AOPEP: variants seen among roughly 807,000 people sequenced by gnomAD.
The protein encoded by AOPEP is aminopeptidase O.
AOPEP carries 77 observed loss-of-function variants against 98.1 expected under a neutral mutation model. The observed-to-expected ratio is 0.78, with a 90% confidence interval of 0.65 to 0.95. The LOEUF is 0.95. Among genes scored for constraint, AOPEP ranks in the 40% least tolerant of loss-of-function variants. The pLI is 0.00. For missense variants in AOPEP, 1,024 were observed against 1,024.7 expected, an observed-to-expected ratio of 1.00 and a Z score of 0.01; for synonymous variants, 346 against 365.3, an observed-to-expected ratio of 0.95 and a Z score of 0.60.
chr9:94,861,686 A>G (rs1160017286), intron 5 of AOPEP, among the ~76,000 whole-genome samples: 3 of 152,172 alleles, frequency 2.0e-5, no homozygotes, highest in African/African-American at 7.2e-5. Flanking sequence ...ACTAGATCCC[A>G]GAGATGTTAT....
Position 94,980,879 on chromosome 9 carries a change from C to T in AOPEP, c.1977+1452C>T, listed in dbSNP as rs557992278. On this transcript the variant is annotated intron_variant, in intron 11 of 16. Transcript: ENST00000375315. The surrounding 1 kb of genome is among the most constrained non-coding windows in gnomAD (Gnocchi z 4.3). ...GGTTTGTCTAGGTGTGAATAACCAA[C>T]CCTTTTCCTTCATGTTTCAGATGGG... Among the ~76,000 whole-genome samples the T allele has an allele frequency of 1.0e-3, 154 of 152,126 alleles. No homozygotes were observed. Among genetic ancestry groups the T allele is most frequent in the Non-Finnish European group, 1.9e-3 (131 of 68,032 alleles).
At chr9:94,822,009 A>G (rs72746564) in intron 5 of AOPEP, among the ~76,000 whole-genome samples, 3,683 of 149,774 alleles carry the variant, frequency 0.025, 52 homozygotes, top group Middle Eastern at 0.041. Flanking sequence ...ACACACACAC[A>G]CACGCAGGCA....
intron 13 of AOPEP, among the ~76,000 whole-genome samples, chr9:95,032,338 G>A (rs923571702): frequency 5.3e-5 from 8 of 152,204 alleles, no homozygotes; most frequent in Admixed American, 3.3e-4. Flanking sequence ...GGCAGACCTC[G>A]CATGGCCCAT....
chr9:94,953,471 A>G (rs1324036751), intron 7 of AOPEP, among the ~76,000 whole-genome samples: 1 of 152,202 alleles, frequency 6.6e-6, no homozygotes, highest in Non-Finnish European at 1.5e-5. Context: ...GTTTGCTAAA[A>G]TGGAATATTT....
intron 5 of AOPEP, among the ~76,000 whole-genome samples, chr9:94,884,131 G>A (rs900682198): frequency 2.6e-5 from 4 of 152,198 alleles, no homozygotes; most frequent in South Asian, 2.1e-4. Context: ...GCACAAAGAA[G>A]CCCCAATCCG....
At chr9:95,104,285 G>A in the AOPEP span, among the ~76,000 whole-genome samples, 1 of 152,236 alleles carries the variant, frequency 6.6e-6, no homozygotes, top group South Asian at 2.1e-4. Context: ...GCCCCCAGGA[G>A]GTGCTTTCAC....
chr9:94,777,348 C>G (rs986237825), intron 3 of AOPEP, among the ~76,000 whole-genome samples: 1 of 151,222 alleles, frequency 6.6e-6, no homozygotes, highest in East Asian at 2.0e-4. Context: ...AGGAGAATGG[C>G]GTGAACCCGG....
chr9:95,069,823 G>A (rs1302955577), intron 14 of AOPEP, among the ~76,000 whole-genome samples: 1 of 152,234 alleles, frequency 6.6e-6, no homozygotes, highest in East Asian at 1.9e-4. Flanking sequence ...GCTCTAACCA[G>A]TTAAGGTGTA....
intron 5 of AOPEP, among the ~76,000 whole-genome samples, chr9:94,897,849 T>TC (rs1199839430): frequency 3.3e-5 from 5 of 151,458 alleles, no homozygotes; most frequent in Non-Finnish European, 7.4e-5. Flanking sequence ...GCCTTTTTTT[T>TC]TTTTTTTGGA....
chr9:94,946,093 A>G (rs1444531577), intron 7 of AOPEP, among the ~76,000 whole-genome samples: 1 of 152,180 alleles, frequency 6.6e-6, no homozygotes, highest in African/African-American at 2.4e-5. Context: ...CCTGGATCCT[A>G]TACTCAAAAA....
At chr9:94,781,876 A>G (rs1458630807) in intron 3 of AOPEP, among the ~76,000 whole-genome samples, 3 of 150,220 alleles carry the variant, frequency 2.0e-5, no homozygotes, top group Admixed American at 2.0e-4. Flanking sequence ...AATTTAGTAT[A>G]TCCCTGCTTC....
At chr9:94,789,917 A>T (rs1845287175) in intron 3 of AOPEP, among the ~76,000 whole-genome samples, 1 of 150,922 alleles carries the variant, frequency 6.6e-6, no homozygotes, top group African/African-American at 2.4e-5. Context: ...TCTGTGGCCC[A>T]GGCGGGAGTG....
intron 5 of AOPEP, among the ~76,000 whole-genome samples, chr9:94,855,439 A>G (rs562077590): frequency 6.6e-5 from 10 of 152,182 alleles, no homozygotes; most frequent in Admixed American, 6.5e-4. Flanking sequence ...CTGTAATCCC[A>G]GCAGTTTGGG....
At chr9:95,129,875 TCTG>T in the AOPEP span, among the ~76,000 whole-genome samples, 2 of 152,138 alleles carry the variant, frequency 1.3e-5, no homozygotes, top group Admixed American at 6.5e-5. Context: ...ACCCGATTGT[TCTG>T]CTGGGTGTGC....
intron 5 of AOPEP, among the ~76,000 whole-genome samples, chr9:94,916,470 C>T (rs914399625): frequency 1.3e-5 from 2 of 151,908 alleles, no homozygotes; most frequent in Non-Finnish European, 2.9e-5. Context: ...TTTGGGAGGC[C>T]GAGGCGGGCA....
chr9:94,804,145 A>G (rs1022290874), intron 5 of AOPEP, among the ~76,000 whole-genome samples: 2 of 152,214 alleles, frequency 1.3e-5, no homozygotes, highest in Non-Finnish European at 2.9e-5. Flanking sequence ...AAAGGAGCTC[A>G]TCATCACACT....
intron 5 of AOPEP, among the ~76,000 whole-genome samples, chr9:94,812,392 T>A (rs1850802711): frequency 6.6e-6 from 1 of 152,058 alleles, no homozygotes; most frequent in Non-Finnish European, 1.5e-5. Context: ...CTCCCCAGAA[T>A]CCGGAAGTCT....
rs1278960592 is a variant in AOPEP at position 94,858,300 on chromosome 9, C to CT, written c.1364+57299dup. Among the ~76,000 whole-genome samples, 122 of 152,256 alleles carry CT rather than the reference C, an allele frequency of 8.0e-4. 1 individual carries two copies. The highest frequency in any genetic ancestry group is 1.6e-4 in the Non-Finnish European group (11 of 68,020). ...GTAAAACCTTTCCAGATGTAAACCT[C>CT]TGTGTTTTAGCAAAATAACGTTATG... is the stretch of plus-strand genomic sequence containing the variant. On this transcript the variant is annotated intron_variant, in intron 5 of 16. Transcript: ENST00000375315.
intron 7 of AOPEP, chr9:94,933,159 C>T: frequency 3.0e-6 from 3 of 985,770 alleles, no homozygotes; most frequent in Admixed American, 6.1e-5. Flanking sequence ...TCATCTATCC[C>T]CTGCCTACAA....
Sources: allele counts gnomAD v4.1 joint callset (sites outside exome capture counted in the v4.1 genomes callset), GRCh38; gene constraint gnomAD v4.1.1; non-coding constraint Gnocchi (gnomAD v3.1); transcripts MANE v1.5; gene names NCBI Gene and HGNC (gene_info 2026-07-23, HGNC 2026-07-21).